AIG1: variants seen among roughly 807,000 people sequenced by gnomAD.
AIG1 encodes androgen induced 1, also known as androgen-induced gene 1 protein.
In AIG1, 23 loss-of-function variants were observed where a neutral mutation model predicts 31.4. The ratio of observed to expected loss-of-function variants is 0.73; its 90% CI spans 0.53 to 1.04. The LOEUF is 1.04. Among genes scored for constraint, AIG1 ranks in the 50% least tolerant of loss-of-function variants. AIG1 has a pLI of 0.00. For synonymous variants in AIG1, 100 were observed against 110.5 expected, an observed-to-expected ratio of 0.90 and a Z score of 0.60; for missense variants, 274 against 295.0, an observed-to-expected ratio of 0.93 and a Z score of 0.52.
chr6:143,111,538 A>G (rs576653132), intron 1 of AIG1, among the ~76,000 whole-genome samples: 12 of 152,220 alleles, frequency 7.9e-5, no homozygotes, highest in South Asian at 6.2e-4. Context: ...TGAATTCTCA[A>G]TCTGGTGGAA....
chr6:143,246,364 C>T (rs1196789870), intron 3 of AIG1, among the ~76,000 whole-genome samples: 1 of 152,118 alleles, frequency 6.6e-6, no homozygotes, highest in African/African-American at 2.4e-5. Context: ...CAAGTCACAT[C>T]TTACATGGGT....
At chr6:143,222,077 A>G (rs1195711678) in intron 3 of AIG1, among the ~76,000 whole-genome samples, 2 of 152,218 alleles carry the variant, frequency 1.3e-5, no homozygotes, top group African/African-American at 4.8e-5. Context: ...TACATGAGAT[A>G]TATGAACCTG....
At position 143,191,778 on chromosome 6, in the gene AIG1, T is replaced by A. The variant is rs527886811; in HGVS notation, c.399+26595T>A. On this transcript the variant is annotated intron_variant, in intron 3 of 5. Coordinates refer to ENST00000357847, the MANE Select transcript of AIG1 (RefSeq NM_016108.4). ...TTTACTTTAGATTACATTTAAAAAATTTTAATGACATTTATAAAGGTAAAA... is the reference window on the plus strand; with the variant it reads ...TTTACTTTAGATTACATTTAAAAAAATTTAATGACATTTATAAAGGTAAAA... 1.6e-3 allele frequency among the ~76,000 whole-genome samples: 237 copies of A among 152,284 alleles called. 1 individual carries two copies. The highest frequency in any genetic ancestry group is 5.4e-3 in the African/African-American group (225 of 41,572).
chr6:143,335,173 CT>C, intron 5 of AIG1: 1 of 1,311,484 alleles, frequency 7.6e-7, no homozygotes, highest in South Asian at 2.5e-5. Flanking sequence ...CCTCCCCCAA[CT>C]TCTACCTATC....
chr6:143,245,570 C>A (rs1472281583), intron 3 of AIG1, among the ~76,000 whole-genome samples: 2 of 152,180 alleles, frequency 1.3e-5, no homozygotes, highest in Admixed American at 1.3e-4. Flanking sequence ...AAGCTACAGT[C>A]ATACAGAATG....
chr6:143,334,223 A>C lies in AIG1; in HGVS notation c.679+778A>C. 2.2e-6 allele frequency: 2 copies of C among 901,578 alleles called. No individual in the cohort carries two copies. The highest frequency in any genetic ancestry group is 3.2e-6 in the Non-Finnish European group (2 of 621,242). The allele number at this position is 901,578 out of a possible 1,614,324, so 55.8% of individuals were successfully genotyped here. A position where few individuals can be genotyped will look rare whatever the true frequency, so the allele number is the denominator to read the frequency against. On this transcript the variant is annotated intron_variant, in intron 5 of 5. Transcript: ENST00000357847. The surrounding 1 kb of genome is among the most constrained non-coding windows in gnomAD (Gnocchi z 5.1). Reference sequence around the variant, plus strand: ...TGAGTCCTGCATGAAAATACATCCAAAGGCAAGATGGTTTGGAGATTTTAG... The same window carrying C: ...TGAGTCCTGCATGAAAATACATCCACAGGCAAGATGGTTTGGAGATTTTAG...
intron 5 of AIG1, among the ~76,000 whole-genome samples, chr6:143,337,090 A>C (rs1242997859): frequency 6.6e-6 from 1 of 152,146 alleles, no homozygotes; most frequent in Admixed American, 6.5e-5. Context: ...GGGTCACAGG[A>C]GCCCCACCCC....
At chr6:143,061,240 C>G in intron 1 of AIG1, 174 bp downstream of exon 1, 1 of 810,870 alleles carries the variant, frequency 1.2e-6, no homozygotes, top group Non-Finnish European at 2.1e-6. Flanking sequence ...CCTGGCTGCC[C>G]CCGCAGCGGC....
In AIG1 at chr6:143,132,023, T is replaced by TAAGA. The variant is rs1345196021; in HGVS notation, c.142-4810_142-4807dup. Among the ~76,000 whole-genome samples, 13 of 152,356 alleles carry TAAGA rather than the reference T, an allele frequency of 8.5e-5. 1 individual carries two copies. The East Asian group carries it at 2.3e-3, about 27-fold the overall frequency. On this transcript the variant is annotated intron_variant, in intron 1 of 5. Transcript: ENST00000357847. ...ATATTATACAACTTTATGTGTAATG[T>TAAGA]AAGAACCTTACAACTATATACCTTC...
intron 3 of AIG1, among the ~76,000 whole-genome samples, chr6:143,181,263 A>T (rs1788691030): frequency 6.6e-6 from 1 of 152,244 alleles, no homozygotes; most frequent in Admixed American, 6.5e-5. Context: ...TGGAACAGAG[A>T]TCAGAAATTC....
intron 1 of AIG1, among the ~76,000 whole-genome samples, chr6:143,132,050 A>G (rs1032660139): frequency 1.3e-5 from 2 of 152,152 alleles, no homozygotes; most frequent in Non-Finnish European, 2.9e-5. Context: ...TATACCTTCC[A>G]TTCTTTCTTG....
intron 3 of AIG1, among the ~76,000 whole-genome samples, chr6:143,201,232 G>A (rs1328453898): frequency 6.6e-6 from 1 of 152,010 alleles, no homozygotes; most frequent in African/African-American, 2.4e-5. Context: ...AGTGGCTTGT[G>A]CCTGTAGTCC....
intron 3 of AIG1, among the ~76,000 whole-genome samples, chr6:143,217,975 A>G (rs1016921895): frequency 3.9e-5 from 6 of 152,252 alleles, no homozygotes; most frequent in Non-Finnish European, 7.3e-5. Flanking sequence ...CAGTTTCCCT[A>G]TAACCCTGTC....
At chr6:143,177,574 T>C (rs943816102) in intron 3 of AIG1, among the ~76,000 whole-genome samples, 2 of 152,234 alleles carry the variant, frequency 1.3e-5, no homozygotes, top group South Asian at 2.1e-4. Flanking sequence ...ATCAGCATCA[T>C]TGGTGTCTGT....
At chr6:143,074,287 A>G (rs918631660) in intron 1 of AIG1, among the ~76,000 whole-genome samples, 3 of 152,202 alleles carry the variant, frequency 2.0e-5, no homozygotes, top group South Asian at 2.1e-4. Flanking sequence ...AGCTTTTGGT[A>G]TGATATCCAA....
At chr6:143,111,956 GC>G (rs938097691) in intron 1 of AIG1, among the ~76,000 whole-genome samples, 1 of 152,014 alleles carries the variant, frequency 6.6e-6, no homozygotes, top group African/African-American at 2.4e-5. Context: ...TGGTCTCTCT[GC>G]CCATTCAATA....
chr6:143,168,204 A>T (rs1430162097), intron 3 of AIG1, among the ~76,000 whole-genome samples: 1 of 152,168 alleles, frequency 6.6e-6, no homozygotes, highest in East Asian at 1.9e-4. Context: ...TATTTAATTT[A>T]AAAATAGCAT....
At chr6:143,078,376 T>C (rs1777917134) in intron 1 of AIG1, among the ~76,000 whole-genome samples, 1 of 152,242 alleles carries the variant, frequency 6.6e-6, no homozygotes, top group South Asian at 2.1e-4. Flanking sequence ...ATCTGTTGAT[T>C]GTGGGTTTCC....
At chr6:143,341,954 T>C (rs1777865619), downstream of AIG1, among the ~76,000 whole-genome samples, 1 of 152,190 alleles carries the variant, frequency 6.6e-6, no homozygotes, top group African/African-American at 2.4e-5. Context: ...AAACGGAGTT[T>C]TGCTCTTGTT....
Sources: gnomAD v4.1 joint callset for allele counts (sites outside exome capture counted in the v4.1 genomes callset) on GRCh38, gnomAD v4.1.1 for gene constraint, Gnocchi (gnomAD v3.1) non-coding constraint, MANE v1.5 for transcripts, NCBI Gene and HGNC (gene_info 2026-07-23, HGNC 2026-07-21) for gene names.